The following SLC24A3 variants were observed in gnomAD, a reference collection of about 807,000 sequenced individuals.
SLC24A3 encodes the protein sodium/potassium/calcium exchanger 3.
A neutral mutation model predicts 75.8 loss-of-function variants in SLC24A3; 28 were observed. The ratio of observed to expected loss-of-function variants is 0.37; its 90% confidence interval spans 0.27 to 0.51. SLC24A3 has a LOEUF of 0.51. Among genes scored for constraint, SLC24A3 ranks in the 20% least tolerant of loss-of-function variants. The pLI is 0.94. For synonymous variants in SLC24A3, 372 were observed against 334.1 expected, an observed-to-expected ratio of 1.11 and a Z score of -1.24; for missense variants, 663 against 847.8, an observed-to-expected ratio of 0.78 and a Z score of 2.71.
intron 6 of SLC24A3, among the ~76,000 whole-genome samples, chr20:19,632,257 C>G (rs933181304): frequency 1.3e-5 from 2 of 152,178 alleles, no homozygotes; most frequent in African/African-American, 2.4e-5. Flanking sequence ...TCACAAATTA[C>G]CATGAACTTA....
intron 8 of SLC24A3, 115 bp downstream of exon 8, chr20:19,666,004 TGAG>T (rs2032395079): frequency 8.4e-7 from 1 of 1,188,174 alleles, no homozygotes; most frequent in African/African-American, 1.6e-5. Flanking sequence ...CAGCTTAGAA[TGAG>T]GAGAATTTCC....
chr20:19,291,759 G>A (rs1027414160), intron 2 of SLC24A3, among the ~76,000 whole-genome samples: 1 of 152,116 alleles, frequency 6.6e-6, no homozygotes, highest in African/African-American at 2.4e-5. Context: ...CCCAGCCCTG[G>A]GCCTGCAGGA....
chr20:19,320,152 C>T (rs1984675079), intron 2 of SLC24A3, among the ~76,000 whole-genome samples: 1 of 152,202 alleles, frequency 6.6e-6, no homozygotes, highest in Non-Finnish European at 1.5e-5. Context: ...GCGCCAATGT[C>T]CCTTGTCCTG....
At chr20:19,705,602 A>G (rs1190864774) in intron 15 of SLC24A3, among the ~76,000 whole-genome samples, 2 of 152,132 alleles carry the variant, frequency 1.3e-5, no homozygotes, top group African/African-American at 4.8e-5. Context: ...CATGGTAGTG[A>G]CCGCATGACA....
chr20:19,486,025 T>G (rs1988122477), intron 2 of SLC24A3, among the ~76,000 whole-genome samples: 1 of 151,992 alleles, frequency 6.6e-6, no homozygotes, highest in Non-Finnish European at 1.5e-5. Context: ...AGCTGCAGTG[T>G]GGGGGTGTGG....
At chr20:19,227,218 A>G (rs1981892043) in intron 1 of SLC24A3, among the ~76,000 whole-genome samples, 1 of 152,212 alleles carries the variant, frequency 6.6e-6, no homozygotes, top group Non-Finnish European at 1.5e-5. Flanking sequence ...TTTACCGAGC[A>G]GGTTCAACGT....
chr20:19,254,088 A>G (rs1000458152), intron 1 of SLC24A3, among the ~76,000 whole-genome samples: 6 of 152,184 alleles, frequency 3.9e-5, no homozygotes, highest in African/African-American at 1.4e-4. Flanking sequence ...GGCTCTTTAT[A>G]TGAAATTGGG....
intron 3 of SLC24A3, among the ~76,000 whole-genome samples, chr20:19,570,427 G>A (rs1018381140): frequency 6.6e-6 from 1 of 152,118 alleles, no homozygotes; most frequent in African/African-American, 2.4e-5. Context: ...ACCAGGAAAT[G>A]TACAAGAATA....
At chr20:19,667,352 C>A (rs934867754) in intron 8 of SLC24A3, among the ~76,000 whole-genome samples, 1 of 152,176 alleles carries the variant, frequency 6.6e-6, no homozygotes, top group Non-Finnish European at 1.5e-5. Context: ...CAGAGAACCT[C>A]CTTGTTATAT....
At chr20:19,593,469 G>C (rs1051457592) in intron 6 of SLC24A3, among the ~76,000 whole-genome samples, 1 of 152,200 alleles carries the variant, frequency 6.6e-6, no homozygotes, top group African/African-American at 2.4e-5. Flanking sequence ...CACACCTACA[G>C]TACTTACCTT....
intron 2 of SLC24A3, among the ~76,000 whole-genome samples, chr20:19,502,784 A>G (rs1389535349): frequency 6.7e-6 from 1 of 148,538 alleles, no homozygotes; most frequent in Non-Finnish European, 1.5e-5. Context: ...TAATCTCAGC[A>G]CTTTGGGAGG....
intron 2 of SLC24A3, among the ~76,000 whole-genome samples, chr20:19,482,519 A>G (rs1203049473): frequency 1.3e-5 from 2 of 152,216 alleles, no homozygotes; most frequent in African/African-American, 4.8e-5. Flanking sequence ...TGCATTCATT[A>G]GTAAAATTAA....
chr20:19,704,108 T>A (rs749298038), intron 15 of SLC24A3, among the ~76,000 whole-genome samples: 23 of 152,222 alleles, frequency 1.5e-4, no homozygotes, highest in Non-Finnish European at 3.2e-4. Flanking sequence ...CCTAGCGCAG[T>A]GCTTGGCACT....
chr20:19,254,978 A>G (rs1222957377), intron 1 of SLC24A3, among the ~76,000 whole-genome samples: 1 of 152,250 alleles, frequency 6.6e-6, no homozygotes, highest in Non-Finnish European at 1.5e-5. Flanking sequence ...CATTGTTAGG[A>G]CTAAAGCTGC....
intron 2 of SLC24A3, among the ~76,000 whole-genome samples, chr20:19,453,612 G>T (rs1568622416): frequency 6.6e-6 from 1 of 152,212 alleles, no homozygotes; most frequent in East Asian, 1.9e-4. Flanking sequence ...GATGGAGCCT[G>T]GAGACAGATG....
At chr20:19,286,358 G>C (rs140200800) in intron 2 of SLC24A3, among the ~76,000 whole-genome samples, 1,787 of 152,160 alleles carry the variant, frequency 0.012, 17 homozygotes, top group South Asian at 0.026. Flanking sequence ...ACAAGAACTG[G>C]AGTCCAGGCA....
At chr20:19,431,505 G>T (rs559460400) in intron 2 of SLC24A3, among the ~76,000 whole-genome samples, 1 of 152,088 alleles carries the variant, frequency 6.6e-6, no homozygotes, top group African/African-American at 2.4e-5. Flanking sequence ...CCATGGGGCC[G>T]TGGGTCTCAG....
chr20:19,472,804 C>A lies in SLC24A3; in HGVS notation c.272-42684C>A, dbSNP rs559016331. ...GTAGTGAGTGGGGTAGGAAGAGAAA[C>A]CACCCCATTTTCAATCATCCACGTT... On this transcript the variant is annotated intron_variant, in intron 2 of 16. Coordinates refer to ENST00000328041, the MANE Select transcript of SLC24A3 (RefSeq NM_020689.4). Among the ~76,000 whole-genome samples the A allele has an allele frequency of 2.0e-5, 3 of 152,264 alleles. No individual in the cohort carries two copies. The South Asian group carries it at 6.2e-4, about 32-fold the overall frequency.
chr20:19,344,958 G>C (rs2122314182), intron 2 of SLC24A3, among the ~76,000 whole-genome samples: 1 of 152,260 alleles, frequency 6.6e-6, no homozygotes, highest in Non-Finnish European at 1.5e-5. Context: ...ATTCTTATTT[G>C]ACATCATACT....
Sources: gnomAD v4.1 joint callset for allele counts (sites outside exome capture counted in the v4.1 genomes callset) on GRCh38, gnomAD v4.1.1 for gene constraint, MANE v1.5 for transcripts, NCBI Gene and HGNC (gene_info 2026-07-23, HGNC 2026-07-21) for gene names.